FCHO2: variants seen among roughly 807,000 people sequenced by gnomAD.
FCHO2 encodes FCH and mu domain containing endocytic adaptor 2.
Under a neutral mutation model 114.1 loss-of-function variants are expected in FCHO2, and 43 were observed. The observed-to-expected ratio is 0.38, with a 90% CI of 0.30 to 0.49. FCHO2 has a LOEUF of 0.49. Among genes scored for constraint, FCHO2 ranks in the 20% least tolerant of loss-of-function variants. The pLI, the probability that FCHO2 is intolerant of heterozygous loss-of-function variation, is 0.97. For synonymous variants in FCHO2, 293 were observed against 315.2 expected (o/e 0.93, Z 0.75); for missense variants, 807 against 950.4 (o/e 0.85, Z 1.98).
intron 7 of FCHO2, among the ~76,000 whole-genome samples, chr5:73,015,997 T>C (rs899243580): frequency 2.0e-5 from 3 of 152,190 alleles, no homozygotes; most frequent in Non-Finnish European, 2.9e-5. Flanking sequence ...TATCAACTTT[T>C]GAATATTTCT....
At position 73,011,127 on chromosome 5, in the gene FCHO2, T is replaced by G. The variant is rs906395105; in HGVS notation, c.601-4499T>G. On this transcript the variant is annotated intron_variant, in intron 6 of 25. Coordinates refer to ENST00000430046, the MANE Select transcript of FCHO2 (RefSeq NM_138782.3). ...ATGCTGCATCTGAGTAGAACACTTATGTTGAATGGAGATTGCAGGACTGGA... is the reference window on the plus strand; with the variant it reads ...ATGCTGCATCTGAGTAGAACACTTAGGTTGAATGGAGATTGCAGGACTGGA... Among the ~76,000 whole-genome samples, 2 of 152,260 alleles carry G rather than the reference T, an allele frequency of 1.3e-5. 1 individual carries two copies. Among genetic ancestry groups the G allele is most frequent in the Middle Eastern group, 6.8e-3 (2 of 292 alleles).
At chr5:73,032,595 A>G (rs536538880) in intron 8 of FCHO2, among the ~76,000 whole-genome samples, 1 of 152,164 alleles carries the variant, frequency 6.6e-6, no homozygotes, top group African/African-American at 2.4e-5. Context: ...TTTTTTCTGT[A>G]TGTACCATAT....
chr5:72,957,277 G>GT, intron 1 of FCHO2, among the ~76,000 whole-genome samples: 1 of 152,064 alleles, frequency 6.6e-6, no homozygotes, highest in Non-Finnish European at 1.5e-5. Flanking sequence ...CAATTCAGAG[G>GT]TTTTTTCATA....
In FCHO2 at chr5:73,015,603, A is replaced by G. The variant is rs1318695995; in HGVS notation, c.601-23A>G. The G allele has an allele frequency of 7.3e-6, 10 of 1,365,298 alleles. No homozygotes were observed. In the African/African-American group the frequency reaches 7.4e-5, roughly 10 times the overall value. 84.6% of individuals were successfully genotyped at this position (1,365,298 alleles called of 1,614,324 possible). A position where few individuals can be genotyped will look rare whatever the true frequency, so the allele number is the denominator to read the frequency against. On this transcript the variant is annotated intron_variant, in intron 6 of 25. Transcript: ENST00000430046. The stretch of plus-strand genomic sequence containing the variant: ...ATGTACCTGTATATGTTATAAATCT[A>G]TAACTTTGTATATGTTACCCAGAAA...
intron 5 of FCHO2, chr5:72,997,515 T>C: frequency 7.0e-7 from 1 of 1,424,650 alleles, no homozygotes; most frequent in Non-Finnish European, 9.9e-7. Context: ...GCCATCACCA[T>C]CAAATCCTGG....
chr5:73,027,843 C>T (rs2112777962), intron 8 of FCHO2, among the ~76,000 whole-genome samples: 1 of 152,116 alleles, frequency 6.6e-6, no homozygotes, highest in African/African-American at 2.4e-5. Context: ...TAGGGAAATA[C>T]AGATTAAAAC....
chr5:72,989,026 T>G lies in FCHO2; in HGVS notation c.126-401T>G, dbSNP rs151149192. On this transcript the variant is annotated intron_variant, in intron 2 of 25. Transcript: ENST00000430046. ...GAATTCCAGATTAGCCTGGGCAACATAGCAAGGCCCCATCTCTACAAAAAA... is the reference window on the plus strand; with the variant it reads ...GAATTCCAGATTAGCCTGGGCAACAGAGCAAGGCCCCATCTCTACAAAAAA... 1.4e-4 allele frequency among the ~76,000 whole-genome samples: 21 copies of G among 152,140 alleles called. No homozygotes were observed. The East Asian group carries it at 3.9e-3, about 28-fold the overall frequency.
intron 1 of FCHO2, among the ~76,000 whole-genome samples, chr5:72,967,820 A>G (rs1381203007): frequency 6.6e-6 from 1 of 151,154 alleles, no homozygotes; most frequent in Non-Finnish European, 1.5e-5. Flanking sequence ...GGGTTTCACC[A>G]TGTTGGCCAG....
intron 7 of FCHO2, among the ~76,000 whole-genome samples, chr5:73,016,118 G>T (rs1755293921): frequency 6.6e-6 from 1 of 151,846 alleles, no homozygotes; most frequent in African/African-American, 2.4e-5. Context: ...ACAATTTGGG[G>T]TATACTGAAA....
At chr5:73,022,305 A>C (rs1030265771) in intron 8 of FCHO2, among the ~76,000 whole-genome samples, 1 of 152,202 alleles carries the variant, frequency 6.6e-6, no homozygotes, top group African/African-American at 2.4e-5. Context: ...TGTTTTTCTT[A>C]AAGTATTACA....
At chr5:72,980,024 T>C (rs1232373592) in intron 2 of FCHO2, among the ~76,000 whole-genome samples, 1 of 152,180 alleles carries the variant, frequency 6.6e-6, no homozygotes, top group African/African-American at 2.4e-5. Flanking sequence ...TCTAGTTCTT[T>C]TAATTGTGAT....
intron 16 of FCHO2, among the ~76,000 whole-genome samples, chr5:73,057,475 T>C (rs1169395546): frequency 6.6e-6 from 1 of 152,186 alleles, no homozygotes; most frequent in Non-Finnish European, 1.5e-5. Context: ...TGTACTCTTA[T>C]GTAATTACAG....
intron 5 of FCHO2, among the ~76,000 whole-genome samples, chr5:72,992,179 C>A (rs1275075569): frequency 2.0e-5 from 3 of 151,962 alleles, no homozygotes; most frequent in Non-Finnish European, 2.9e-5. Context: ...CAATAAGGCA[C>A]ATAATCTCAG....
At chr5:73,081,526 G>A (rs1286447362) in intron 22 of FCHO2, among the ~76,000 whole-genome samples, 2 of 152,152 alleles carry the variant, frequency 1.3e-5, no homozygotes, top group Non-Finnish European at 2.9e-5. Flanking sequence ...TGTTGAATCA[G>A]ATTTTCTGCA....
At position 73,074,754 on chromosome 5, in the gene FCHO2, G is replaced by T; in HGVS notation, c.1592G>T (p.Gly531Val). ...GTGTATATTCTAGGTGTGTCACGGGGTCCCAGCCCTGTCAGCCTTGGAAAT... is the reference window on the plus strand; with the variant it reads ...GTGTATATTCTAGGTGTGTCACGGGTTCCCAGCCCTGTCAGCCTTGGAAAT... ...ANTPTVGVSR[G>V]PSPVSLGNQD... The change falls in exon 20 of 26, where the codon GGT becomes GTT. Residue 531 changes from glycine (G) to valine (V), a missense_variant. By Grantham distance (109) the Gly-to-Val change is moderately radical. Transcript: ENST00000430046. The T allele has an allele frequency of 1.2e-6, 2 of 1,612,488 alleles. No individual in the cohort carries two copies. The highest frequency in any genetic ancestry group is 2.7e-5 in the African/African-American group (2 of 74,950).
chr5:73,043,405 C>T (rs1756900212), intron 11 of FCHO2, among the ~76,000 whole-genome samples: 2 of 135,680 alleles, frequency 1.5e-5, no homozygotes, highest in Non-Finnish European at 1.6e-5. Flanking sequence ...TTTACACACA[C>T]ACATACACAC....
chr5:72,968,863 A>G (rs1446750478), intron 2 of FCHO2, among the ~76,000 whole-genome samples: 2 of 152,190 alleles, frequency 1.3e-5, no homozygotes, highest in Admixed American at 6.6e-5. Flanking sequence ...TAGCAAGGTG[A>G]TATAATACAG....
chr5:73,034,546 A>T (rs577970955), intron 8 of FCHO2, 111 bp from the exon 9 acceptor site: 2 of 724,796 alleles, frequency 2.8e-6, no homozygotes, highest in Admixed American at 3.1e-5. Context: ...AATTAAAAAG[A>T]TGCGTTGTCA....
At chr5:73,015,324 G>A (rs1379242221) in intron 6 of FCHO2, among the ~76,000 whole-genome samples, 1 of 151,074 alleles carries the variant, frequency 6.6e-6, no homozygotes, top group East Asian at 2.0e-4. Context: ...GTGCAGTGGC[G>A]TGATCTGGGC....
Sources: allele counts gnomAD v4.1 joint callset (sites outside exome capture counted in the v4.1 genomes callset), GRCh38; gene constraint gnomAD v4.1.1; transcripts MANE v1.5; gene names NCBI Gene and HGNC (gene_info 2026-07-23, HGNC 2026-07-21).